AUTS2: variants seen among roughly 807,000 people sequenced by gnomAD.
The protein encoded by AUTS2 is activator of transcription and developmental regulator AUTS2.
Under a neutral mutation model 112.4 loss-of-function variants are expected in AUTS2, and 17 were observed. The observed-to-expected ratio is 0.15, with a 90% CI of 0.10 to 0.23. The LOEUF (loss-of-function observed/expected upper bound fraction) is 0.23. Ranked by LOEUF, AUTS2 falls within the 10% of genes least tolerant of loss-of-function variation. The pLI is 1.00. For synonymous variants in AUTS2, 751 were observed against 702.7 expected (o/e 1.07, Z -1.09); for missense variants, 1,510 against 1,701.6 (o/e 0.89, Z 1.98).
At chr7:70,755,323 A>G (rs1331254473) in intron 6 of AUTS2, among the ~76,000 whole-genome samples, 1 of 151,964 alleles carries the variant, frequency 6.6e-6, no homozygotes, top group Admixed American at 6.6e-5. Flanking sequence ...TGCACCATAC[A>G]CAGAGTCAAA....
intron 2 of AUTS2, among the ~76,000 whole-genome samples, chr7:70,026,833 A>G (rs1800543448): frequency 6.6e-6 from 1 of 152,166 alleles, no homozygotes; most frequent in Non-Finnish European, 1.5e-5. Flanking sequence ...TGGTCAGGAG[A>G]TAAACCCCCA....
chr7:70,056,986 A>G (rs1435472833), intron 2 of AUTS2, among the ~76,000 whole-genome samples: 1 of 152,156 alleles, frequency 6.6e-6, no homozygotes, highest in African/African-American at 2.4e-5. Context: ...ATTATTTCTT[A>G]TATATAATAC....
At chr7:70,478,882 A>G (rs532154061) in intron 5 of AUTS2, among the ~76,000 whole-genome samples, 2 of 152,200 alleles carry the variant, frequency 1.3e-5, no homozygotes, top group African/African-American at 2.4e-5. Context: ...TTGTTTTATT[A>G]TTTTAATCTA....
At chr7:70,765,404 C>G (rs1789873546) in intron 8 of AUTS2, among the ~76,000 whole-genome samples, 1 of 152,168 alleles carries the variant, frequency 6.6e-6, no homozygotes, top group South Asian at 2.1e-4. Flanking sequence ...TAAGGGGTTT[C>G]TTTTCATTGG....
At chr7:70,686,988 C>T (rs910091516) in intron 5 of AUTS2, among the ~76,000 whole-genome samples, 1 of 152,114 alleles carries the variant, frequency 6.6e-6, no homozygotes, top group African/African-American at 2.4e-5. Context: ...TGTTCTACGC[C>T]GATCCGTCCT....
At chr7:69,772,821 A>G (rs1420783087) in intron 1 of AUTS2, among the ~76,000 whole-genome samples, 1 of 152,214 alleles carries the variant, frequency 6.6e-6, no homozygotes, top group East Asian at 1.9e-4. Flanking sequence ...TTAAGACTTA[A>G]TGATTTATAC....
At chr7:70,528,296 A>G (rs1799940739) in intron 5 of AUTS2, among the ~76,000 whole-genome samples, 1 of 151,898 alleles carries the variant, frequency 6.6e-6, no homozygotes, top group South Asian at 2.1e-4. Context: ...AAATAATAAA[A>G]AAAAAACCCA....
At chr7:69,818,563 C>T (rs1480121074) in intron 1 of AUTS2, among the ~76,000 whole-genome samples, 3 of 152,140 alleles carry the variant, frequency 2.0e-5, no homozygotes, top group Admixed American at 6.5e-5. Context: ...ATCTTTTAAT[C>T]TATGCAATAA....
At chr7:70,515,772 A>G (rs775078445) in intron 5 of AUTS2, among the ~76,000 whole-genome samples, 1 of 152,026 alleles carries the variant, frequency 6.6e-6, no homozygotes, top group Non-Finnish European at 1.5e-5. Context: ...TACAATAAGC[A>G]TTAAATCATG....
intron 1 of AUTS2, among the ~76,000 whole-genome samples, chr7:69,883,507 T>C (rs1188747911): frequency 6.6e-6 from 1 of 152,130 alleles, no homozygotes; most frequent in Non-Finnish European, 1.5e-5. Context: ...TTCTCTCTCT[T>C]GACAAAACAG....
chr7:70,232,229 C>T (rs1192845018), intron 4 of AUTS2, among the ~76,000 whole-genome samples: 1 of 152,066 alleles, frequency 6.6e-6, no homozygotes, highest in Non-Finnish European at 1.5e-5. Context: ...TTGTATAATA[C>T]TTTATTAATA....
At chr7:70,454,197 C>G (rs75475594) in intron 5 of AUTS2, among the ~76,000 whole-genome samples, 2,535 of 152,174 alleles carry the variant, frequency 0.017, 93 homozygotes, top group African/African-American at 0.058. Context: ...GGGGGTCTCT[C>G]TTTTTTTGGG....
At chr7:70,419,555 G>T (rs1041659413) in intron 4 of AUTS2, among the ~76,000 whole-genome samples, 13 of 152,124 alleles carry the variant, frequency 8.5e-5, no homozygotes, top group African/African-American at 3.1e-4. Context: ...ATGTATTATT[G>T]GGTCATTTCC....
chr7:69,666,138 A>C (rs1349444516), intron 1 of AUTS2, among the ~76,000 whole-genome samples: 1 of 152,242 alleles, frequency 6.6e-6, no homozygotes, highest in East Asian at 1.9e-4. Context: ...ATGCATATAT[A>C]CAGACATACA....
chr7:70,077,909 A>C (rs1020385588), intron 2 of AUTS2, among the ~76,000 whole-genome samples: 6 of 152,188 alleles, frequency 3.9e-5, no homozygotes, highest in African/African-American at 1.2e-4. Context: ...TCTGAATTCT[A>C]CCACCCTGAA....
At chr7:70,257,178 T>C (rs1019117353) in intron 4 of AUTS2, among the ~76,000 whole-genome samples, 5 of 152,200 alleles carry the variant, frequency 3.3e-5, no homozygotes, top group Admixed American at 2.6e-4. Context: ...TCTCACTCTA[T>C]TACCCAGGCT....
chr7:70,690,822 G>T (rs998355083), intron 5 of AUTS2, among the ~76,000 whole-genome samples: 2 of 152,142 alleles, frequency 1.3e-5, no homozygotes, highest in African/African-American at 4.8e-5. Context: ...TTAGTTGGGC[G>T]TGGTGGTACA....
chr7:70,686,147 G>A (rs578111268), intron 5 of AUTS2, among the ~76,000 whole-genome samples: 13 of 152,212 alleles, frequency 8.5e-5, no homozygotes, highest in Non-Finnish European at 1.2e-4. Flanking sequence ...GGGACTGGGT[G>A]CTTGACAACC....
intron 5 of AUTS2, among the ~76,000 whole-genome samples, chr7:70,529,770 G>C (rs1051232259): frequency 6.6e-6 from 1 of 152,192 alleles, no homozygotes; most frequent in Non-Finnish European, 1.5e-5. Flanking sequence ...CTTCTAGGGG[G>C]TGGGATCAGT....
Sources: gnomAD v4.1 joint callset for allele counts (sites outside exome capture counted in the v4.1 genomes callset) on GRCh38, gnomAD v4.1.1 for gene constraint, MANE v1.5 for transcripts, NCBI Gene and HGNC (gene_info 2026-07-23, HGNC 2026-07-21) for gene names.